SHISA9: variants seen among roughly 807,000 people sequenced by gnomAD.
The protein encoded by SHISA9 is protein shisa-9.
SHISA9 carries 13 observed loss-of-function variants against 38.0 expected under a neutral mutation model. The ratio of observed to expected loss-of-function variants is 0.34; its 90% CI spans 0.22 to 0.54. The LOEUF (loss-of-function observed/expected upper bound fraction) is 0.54, where lower values mean the gene tolerates loss of function less well. Among genes scored for constraint, SHISA9 ranks in the 20% least tolerant of loss-of-function variants. The pLI is 0.91. For missense variants in SHISA9, 538 were observed against 575.8 expected, an observed-to-expected ratio of 0.93 and a Z score of 0.67; for synonymous variants, 275 against 242.0, an observed-to-expected ratio of 1.14 and a Z score of -1.27.
the SHISA9 span, among the ~76,000 whole-genome samples, chr16:13,493,995 G>A: frequency 6.6e-6 from 1 of 152,150 alleles, no homozygotes; most frequent in Non-Finnish European, 1.5e-5. Context: ...GGCTGGAGTT[G>A]TGACATGGTG....
At chr16:13,148,763 A>G (rs1161378030) in intron 2 of SHISA9, among the ~76,000 whole-genome samples, 2 of 151,554 alleles carry the variant, frequency 1.3e-5, no homozygotes, top group Non-Finnish European at 2.9e-5. Flanking sequence ...TTTCCCAGGG[A>G]TCATAATTCA....
chr16:13,329,586 G>A, the SHISA9 span, among the ~76,000 whole-genome samples: 3 of 152,162 alleles, frequency 2.0e-5, no homozygotes, highest in Non-Finnish European at 2.9e-5. Flanking sequence ...AGAATAAGCT[G>A]AGGTGATGTA....
the SHISA9 span, among the ~76,000 whole-genome samples, chr16:13,301,462 T>C: frequency 6.6e-6 from 1 of 152,214 alleles, no homozygotes; most frequent in African/African-American, 2.4e-5. Flanking sequence ...TCGAATGTAC[T>C]GTCACCCAAA....
rs2051423238 is a variant in SHISA9 at position 13,240,171 on chromosome 16, ACT to A, written c.*4765_*4766del. 6.6e-6 allele frequency: 1 copy of A among 151,586 alleles called. No individual in the cohort carries two copies. The highest frequency in any genetic ancestry group is 1.5e-5 in the Non-Finnish European group (1 of 67,916). 9.4% of individuals were successfully genotyped at this position (151,586 alleles called of 1,614,324 possible). A position where few individuals can be genotyped will look rare whatever the true frequency, so the allele number is the denominator to read the frequency against. On this transcript the variant is annotated 3_prime_UTR_variant, in exon 5 of 5. Coordinates refer to ENST00000558583, the MANE Select transcript of SHISA9 (RefSeq NM_001145204.3). ...GGGCTCCGCCTGGCCTCCCCATCTA[ACT>A]CTTCCCAGTTTTTTGTGTAAATGGA...
the SHISA9 span, among the ~76,000 whole-genome samples, chr16:13,387,825 T>TGACTC: frequency 2.6e-5 from 4 of 152,092 alleles, no homozygotes; most frequent in Admixed American, 2.6e-4. Context: ...CTGATGAAAA[T>TGACTC]GACTCGCTAA....
the SHISA9 span, among the ~76,000 whole-genome samples, chr16:13,271,909 C>T: frequency 3.3e-5 from 5 of 151,712 alleles, no homozygotes; most frequent in South Asian, 2.1e-4. Context: ...TGGTGAAACC[C>T]CTCTACTAAA....
At chr16:13,445,482 C>T in the SHISA9 span, among the ~76,000 whole-genome samples, 33 of 152,096 alleles carry the variant, frequency 2.2e-4, no homozygotes, top group Non-Finnish European at 4.1e-4. Context: ...AAGGAAGACA[C>T]AAAGGAATGA....
intron 3 of SHISA9, chr16:13,204,675 G>T (rs1356735809): frequency 1.3e-5 from 2 of 152,226 alleles, no homozygotes; most frequent in Admixed American, 6.5e-5. Flanking sequence ...GCTACTAATG[G>T]AGTTCTTACC....
At chr16:13,150,982 A>G (rs1485817446) in intron 2 of SHISA9, among the ~76,000 whole-genome samples, 1 of 152,214 alleles carries the variant, frequency 6.6e-6, no homozygotes, top group Non-Finnish European at 1.5e-5. Context: ...AACCAGCAGA[A>G]TATGAGTTAC....
chr16:13,522,993 A>G, the SHISA9 span, among the ~76,000 whole-genome samples: 4 of 152,188 alleles, frequency 2.6e-5, no homozygotes, highest in African/African-American at 9.7e-5. Context: ...GTGCTCCCCA[A>G]AGAACTGGGT....
chr16:13,296,171 C>G, the SHISA9 span, among the ~76,000 whole-genome samples: 1 of 151,632 alleles, frequency 6.6e-6, no homozygotes, highest in African/African-American at 2.4e-5. Flanking sequence ...ACTATCAACC[C>G]CACCTCTTCT....
chr16:12,917,350 G>A (rs191335722), intron 2 of SHISA9, among the ~76,000 whole-genome samples: 118 of 152,298 alleles, frequency 7.7e-4, no homozygotes, highest in African/African-American at 2.6e-3. Context: ...TATTCCGTGT[G>A]TAGGGGGTGC....
At chr16:13,487,298 C>A in the SHISA9 span, among the ~76,000 whole-genome samples, 271 of 152,256 alleles carry the variant, frequency 1.8e-3, 1 homozygote, top group African/African-American at 6.3e-3. Flanking sequence ...ACCCGAGACT[C>A]GGTAATTTAT....
chr16:13,526,611 C>T, the SHISA9 span, among the ~76,000 whole-genome samples: 18 of 152,258 alleles, frequency 1.2e-4, no homozygotes, highest in Admixed American at 4.6e-4. Context: ...GTCTCGAACC[C>T]CTGATCTCAA....
At chr16:13,526,790 G>T in the SHISA9 span, among the ~76,000 whole-genome samples, 1 of 152,058 alleles carries the variant, frequency 6.6e-6, no homozygotes, top group African/African-American at 2.4e-5. Context: ...ACCGATTAAT[G>T]CATGGACTCC....
the SHISA9 span, among the ~76,000 whole-genome samples, chr16:13,366,095 C>A: frequency 6.6e-6 from 1 of 152,062 alleles, no homozygotes; most frequent in Non-Finnish European, 1.5e-5. Context: ...CACTGTGGAC[C>A]CAGAAAATTA....
At chr16:13,480,477 G>A in the SHISA9 span, among the ~76,000 whole-genome samples, 1 of 152,132 alleles carries the variant, frequency 6.6e-6, no homozygotes, top group Non-Finnish European at 1.5e-5. Flanking sequence ...CTGTGTCAGC[G>A]TGCACCTTGC....
At chr16:13,320,051 G>T in the SHISA9 span, among the ~76,000 whole-genome samples, 1 of 151,910 alleles carries the variant, frequency 6.6e-6, no homozygotes, top group Non-Finnish European at 1.5e-5. Context: ...CAAGCACTTT[G>T]GGAGGCTGAA....
At chr16:13,294,040 T>TACACAAGCAAGCC in the SHISA9 span, among the ~76,000 whole-genome samples, 4 of 152,306 alleles carry the variant, frequency 2.6e-5, no homozygotes, top group African/African-American at 9.6e-5. Context: ...GTAAGCAAGC[T>TACACAAGCAAGCC]ACACAAGCAA....
Sources: gnomAD v4.1 joint callset for allele counts (sites outside exome capture counted in the v4.1 genomes callset) on GRCh38, gnomAD v4.1.1 for gene constraint, MANE v1.5 for transcripts, NCBI Gene and HGNC (gene_info 2026-07-23, HGNC 2026-07-21) for gene names.